The following FRMPD4 variants were observed in gnomAD, a reference collection of about 807,000 sequenced individuals.
The protein encoded by FRMPD4 is FERM and PDZ domain containing 4.
A neutral mutation model predicts 94.1 loss-of-function variants in FRMPD4; 22 were observed. The ratio of observed to expected loss-of-function variants is 0.23; its 90% CI spans 0.17 to 0.33. FRMPD4 has a LOEUF of 0.33. Ranked by LOEUF, FRMPD4 falls within the 10% of genes least tolerant of loss-of-function variation. FRMPD4 has a pLI of 1.00. For missense variants in FRMPD4, 1,111 were observed against 1,339.9 expected, an observed-to-expected ratio of 0.83 and a Z score of 2.67; for synonymous variants, 631 against 548.6, an observed-to-expected ratio of 1.15 and a Z score of -2.10.
rs751809176 is a variant in FRMPD4 at position 12,316,271 on chromosome X, C to G, written c.41+177259C>G. On this transcript the variant is annotated intron_variant, in intron 1 of 16. Coordinates refer to ENST00000675598, the MANE Select transcript of FRMPD4 (RefSeq NM_001368397.1). Reference sequence around the variant, plus strand: ...AAGCTATTCTCCTGCCTCAGCCTCCCGAGTAGCTGGGATTACAGGTGCATG... The same window carrying G: ...AAGCTATTCTCCTGCCTCAGCCTCCGGAGTAGCTGGGATTACAGGTGCATG... 2.6e-4 allele frequency among the ~76,000 whole-genome samples: 29 copies of G among 110,972 alleles called. 1 individual carries two copies. The highest frequency in any genetic ancestry group is 3.9e-4 in the South Asian group (1 of 2,592).
intron 3 of FRMPD4, among the ~76,000 whole-genome samples, chrX:11,945,159 C>A: frequency 9.0e-6 from 1 of 111,536 alleles, no homozygotes; most frequent in East Asian, 2.8e-4. Context: ...CCCTCCAACC[C>A]CCCATGGATT....
At chrX:12,106,731 C>G (rs1457940158) in intron 3 of FRMPD4, among the ~76,000 whole-genome samples, 1 of 111,912 alleles carries the variant, frequency 8.9e-6, no homozygotes, top group Non-Finnish European at 1.9e-5. Context: ...ACGGTCTTAG[C>G]AAATGGCACA....
chrX:12,394,405 C>G (rs773247864), intron 1 of FRMPD4, among the ~76,000 whole-genome samples: 2 of 111,467 alleles, frequency 1.8e-5, no homozygotes, highest in African/African-American at 3.3e-5. Context: ...TCTTTTTTTC[C>G]CCTCTCATGA....
chrX:12,499,412 A>T (rs1005943560), intron 2 of FRMPD4, among the ~76,000 whole-genome samples: 1 of 112,386 alleles, frequency 8.9e-6, no homozygotes, highest in Non-Finnish European at 1.9e-5. Flanking sequence ...TGTACAATTC[A>T]GTGGCATTAA....
intron 1 of FRMPD4, among the ~76,000 whole-genome samples, chrX:12,307,432 A>G (rs746113402): frequency 4.4e-5 from 5 of 112,505 alleles, no homozygotes; most frequent in Non-Finnish European, 5.6e-5. Context: ...AGAATGCATC[A>G]TTGCTCCATG....
chrX:11,917,055 G>A lies in FRMPD4; in HGVS notation c.95+39037G>A, dbSNP rs1042255226. Among the ~76,000 whole-genome samples, 4 of 111,808 alleles carry A rather than the reference G, an allele frequency of 3.6e-5. No homozygotes were observed. In the Admixed American group the frequency reaches 3.8e-4, roughly 11 times the overall value. On this transcript the variant is annotated intron_variant, in intron 3 of 18. Coordinates refer to the FRMPD4 transcript ENST00000640291. ...TTCCTACCTCTTCCTGCTCAAAGACGCTGTTCTGCAAAAAAGTAGGCAAAG... is the reference window on the plus strand; with the variant it reads ...TTCCTACCTCTTCCTGCTCAAAGACACTGTTCTGCAAAAAAGTAGGCAAAG...
intron 1 of FRMPD4, among the ~76,000 whole-genome samples, chrX:12,379,945 G>A (rs1310282840): frequency 1.8e-5 from 2 of 111,204 alleles, no homozygotes; most frequent in Admixed American, 1.9e-4. Context: ...CATCTGATCT[G>A]AGAATGAGAA....
At chrX:12,697,682 C>T (rs897499138) in intron 9 of FRMPD4, among the ~76,000 whole-genome samples, 3 of 111,937 alleles carry the variant, frequency 2.7e-5, no homozygotes, top group Non-Finnish European at 5.6e-5. Flanking sequence ...TCAACAGACA[C>T]ATGTTTTATA....
intron 14 of FRMPD4, among the ~76,000 whole-genome samples, chrX:12,713,500 G>C (rs1033165793): frequency 1.8e-5 from 2 of 110,853 alleles, no homozygotes; most frequent in African/African-American, 6.6e-5. Flanking sequence ...GAGAGAGAGA[G>C]AGAGACAGAG....
chrX:12,331,588 G>A (rs2055374842), intron 1 of FRMPD4, among the ~76,000 whole-genome samples: 3 of 75,820 alleles, frequency 4.0e-5, no homozygotes, highest in South Asian at 5.6e-4. Context: ...TATATGAAAC[G>A]AATCATATAT....
chrX:12,401,144 G>A (rs1336608874), intron 1 of FRMPD4, among the ~76,000 whole-genome samples: 3 of 111,403 alleles, frequency 2.7e-5, no homozygotes, highest in Non-Finnish European at 3.8e-5. Flanking sequence ...TCTAGGAAGA[G>A]GGGACAGAAG....
chrX:12,609,031 G>T (rs1215083175), intron 2 of FRMPD4, among the ~76,000 whole-genome samples: 3 of 112,253 alleles, frequency 2.7e-5, no homozygotes, highest in Non-Finnish European at 5.6e-5. Context: ...CATATATTTT[G>T]TATGTTATAT....
chrX:12,074,556 C>T (rs774563434), intron 3 of FRMPD4, among the ~76,000 whole-genome samples: 15 of 111,919 alleles, frequency 1.3e-4, no homozygotes, highest in Admixed American at 6.7e-4. Context: ...AGGTAACTTT[C>T]TTGGTTCCCT....
intron 2 of FRMPD4, among the ~76,000 whole-genome samples, chrX:12,522,160 A>C (rs1305479663): frequency 3.6e-5 from 4 of 110,531 alleles, no homozygotes; most frequent in Admixed American, 9.6e-5. Context: ...CCTGTGGTGC[A>C]CTCACAAAAG....
intron 3 of FRMPD4, among the ~76,000 whole-genome samples, chrX:11,967,734 A>ATGTG (rs1169732749): frequency 7.4e-4 from 67 of 90,500 alleles, no homozygotes; most frequent in African/African-American, 2.0e-3. Context: ...TTCTAGGCAG[A>ATGTG]TGTGTGTGTG....
chrX:12,340,665 A>C (rs1277710719), intron 1 of FRMPD4, among the ~76,000 whole-genome samples: 5 of 85,476 alleles, frequency 5.8e-5, no homozygotes, highest in Admixed American at 5.4e-4. Flanking sequence ...TTTAAAGATA[A>C]AAAAAATTTA....
At chrX:12,061,571 T>G (rs182549641) in intron 3 of FRMPD4, among the ~76,000 whole-genome samples, 2 of 111,675 alleles carry the variant, frequency 1.8e-5, no homozygotes, top group Admixed American at 1.9e-4. Context: ...AATGGAGTCC[T>G]ACAATTTGGA....
intron 1 of FRMPD4, among the ~76,000 whole-genome samples, chrX:12,322,355 T>TA (rs1163044617): frequency 9.0e-6 from 1 of 110,915 alleles, no homozygotes; most frequent in Non-Finnish European, 1.9e-5. Context: ...TGATACAAGG[T>TA]AATTGAAGGA....
chrX:12,570,227 C>T (rs1436327255), intron 2 of FRMPD4, among the ~76,000 whole-genome samples: 1 of 112,208 alleles, frequency 8.9e-6, no homozygotes, highest in African/African-American at 3.2e-5. Context: ...ATTGCCAGTG[C>T]CTCAGGGCAG....
Sources: gnomAD v4.1 joint callset for allele counts (sites outside exome capture counted in the v4.1 genomes callset) on GRCh38, gnomAD v4.1.1 for gene constraint, MANE v1.5 for transcripts, NCBI Gene and HGNC (gene_info 2026-07-23, HGNC 2026-07-21) for gene names.